GNA12: variants seen among roughly 807,000 people sequenced by gnomAD.
The protein encoded by GNA12 is guanine nucleotide-binding protein subunit alpha-12.
A neutral mutation model predicts 26.0 loss-of-function variants in GNA12; 9 were observed. That is an observed-to-expected ratio of 0.35 (90% CI 0.21 to 0.60). The LOEUF is 0.60. GNA12 is among the 20% of genes least tolerant of loss of function. GNA12 has a pLI of 0.78. For missense variants in GNA12, 405 were observed against 525.8 expected (o/e 0.77, Z 2.25); for synonymous variants, 264 against 219.6 (o/e 1.20, Z -1.79).
At position 2,761,353 on chromosome 7, in the gene GNA12, C is replaced by T. The variant is rs912908112; in HGVS notation, c.526-27852G>A. Among the ~76,000 whole-genome samples the T allele has an allele frequency of 2.0e-5, 3 of 152,336 alleles. No individual in the cohort carries two copies. The East Asian group carries it at 5.8e-4, about 29-fold the overall frequency. On this transcript the variant is annotated intron_variant, in intron 2 of 3. Transcript: ENST00000275364. ...TATGCCTAGAGGCACGGGGTGGGCA[C>T]GCAGATGGCAGCTGTGATTTCCCTG...
rs182008574 is a variant in GNA12, at chr7:2,750,175, G to A, written c.526-16674C>T. 2.4e-4 allele frequency among the ~76,000 whole-genome samples: 36 copies of A among 152,264 alleles called. No homozygotes were observed. In the East Asian group the frequency reaches 6.4e-3, roughly 27 times the overall value. ...CTGACATGTAAAGGGCCTGGAAGTC[G>A]TCACTCCCATCCTCACAGCAGCGAC... On this transcript the variant is annotated intron_variant, in intron 2 of 3. Transcript: ENST00000275364.
Position 2,844,057 on chromosome 7 carries a change from C to G in GNA12, c.105G>C (p.Glu35Asp). 8.3e-7 allele frequency: 1 copy of G among 1,204,230 alleles called. No homozygotes were observed. The highest frequency in any genetic ancestry group is 1.0e-6 in the Non-Finnish European group (1 of 968,514). 74.6% of individuals were successfully genotyped at this position (1,204,230 alleles called of 1,614,324 possible). A position where few individuals can be genotyped will look rare whatever the true frequency, so the allele number is the denominator to read the frequency against. ...AGSGARDAER[E>D]ARRRSRDIDA... is the part of the protein sequence containing the mutation. ...CGATGTCGCGGCTACGCCTCCGGGC[C>G]TCGCGCTCCGCGTCGCGCGCGCCGC... Residue 35 changes from glutamate (E) to aspartate (D), a missense_variant, in exon 1 of 4, where the codon GAG (glutamate) becomes GAC (aspartate). Coordinates refer to ENST00000275364, the MANE Select transcript of GNA12 (RefSeq NM_007353.3).
chr7:2,764,262 T>A (rs1163524560), intron 2 of GNA12, among the ~76,000 whole-genome samples: 22 of 146,748 alleles, frequency 1.5e-4, no homozygotes, highest in Admixed American at 1.1e-3. Context: ...TTTTTTTTTT[T>A]AATAAAGATG....
chr7:2,805,918 T>C (rs1414935631), intron 1 of GNA12, among the ~76,000 whole-genome samples: 1 of 152,164 alleles, frequency 6.6e-6, no homozygotes, highest in Non-Finnish European at 1.5e-5. Flanking sequence ...GCGGCCCAGC[T>C]GAACTGAGAG....
At chr7:2,815,318 C>T (rs542834959) in intron 1 of GNA12, 107 of 197,902 alleles carry the variant, frequency 5.4e-4, no homozygotes, top group African/African-American at 2.4e-3. Flanking sequence ...AAGGAGGGGC[C>T]GGCTGCGCAG....
rs17132651 is a variant in GNA12 at position 2,759,858 on chromosome 7, C to T, written c.526-26357G>A. On this transcript the variant is annotated intron_variant, in intron 2 of 3. Transcript: ENST00000275364. ...GCAGATGCCGTCCAATGCGATTGTC[C>T]GCCCCCGTCTCAGAGCCCCACGGCC... Among the ~76,000 whole-genome samples the T allele has an allele frequency of 9.0e-3, 1,371 of 151,904 alleles. 17 individuals carry two copies. Among genetic ancestry groups the T allele is most frequent in the African/African-American group, 0.031 (1,279 of 41,170 alleles).
At chr7:2,833,037 G>T (rs1000508302) in intron 1 of GNA12, among the ~76,000 whole-genome samples, 3 of 152,354 alleles carry the variant, frequency 2.0e-5, no homozygotes, top group Non-Finnish European at 2.9e-5. Flanking sequence ...CTCACAGAGA[G>T]AAAGACTAAC....
rs201757835 is a variant in GNA12, at chr7:2,802,039, TC to T, written c.310-6897del. Among the ~76,000 whole-genome samples, 1,327 of 152,200 alleles carry T rather than the reference TC, an allele frequency of 8.7e-3. 29 individuals carry two copies. Among genetic ancestry groups the T allele is most frequent in the African/African-American group, 0.031 (1,271 of 41,526 alleles). ...AATAAACCTCTTACTCCTGTCCTTT[TC>T]CAATGAAAGACCAATTTTCTAAAAC... On this transcript the variant is annotated intron_variant, in intron 1 of 3. Coordinates refer to ENST00000275364, the MANE Select transcript of GNA12 (RefSeq NM_007353.3).
intron 1 of GNA12, among the ~76,000 whole-genome samples, chr7:2,821,187 T>TA (rs1400415957): frequency 3.3e-5 from 5 of 152,222 alleles, no homozygotes; most frequent in Admixed American, 3.3e-4. Context: ...TGATGACGCT[T>TA]AGATTACAGA....
At chr7:2,795,569 G>C (rs951453214) in intron 1 of GNA12, among the ~76,000 whole-genome samples, 3 of 150,518 alleles carry the variant, frequency 2.0e-5, no homozygotes, top group African/African-American at 7.3e-5. Context: ...TCAAGGCTAC[G>C]GTTATCTATG....
At chr7:2,818,829 G>C (rs1236836260) in intron 1 of GNA12, among the ~76,000 whole-genome samples, 1 of 148,060 alleles carries the variant, frequency 6.8e-6, no homozygotes, top group African/African-American at 2.5e-5. Context: ...CTCTCCCACA[G>C]GTTTCGCTTG....
intron 1 of GNA12, among the ~76,000 whole-genome samples, chr7:2,831,169 C>T (rs1184275035): frequency 1.3e-5 from 2 of 151,748 alleles, no homozygotes; most frequent in African/African-American, 2.4e-5. Context: ...TGTTTAAAAA[C>T]AGTCTCATTG....
At chr7:2,837,541 A>G (rs1270439121) in intron 1 of GNA12, among the ~76,000 whole-genome samples, 2 of 152,254 alleles carry the variant, frequency 1.3e-5, no homozygotes, top group Admixed American at 1.3e-4. Context: ...AAGACAAATC[A>G]TAATGAAACT....
In GNA12 at chr7:2,801,870, G is replaced by A. The variant is rs531849674; in HGVS notation, c.310-6727C>T. The stretch of plus-strand genomic sequence containing the variant: ...CCCCTTTTCTTCCTTTTTAGAGAGA[G>A]ACGTAAGCTCTCTCTGGAGTTTAAA... On this transcript the variant is annotated intron_variant, in intron 1 of 3. Coordinates refer to ENST00000275364, the MANE Select transcript of GNA12 (RefSeq NM_007353.3). Among the ~76,000 whole-genome samples the A allele has an allele frequency of 3.3e-5, 5 of 152,256 alleles. No individual in the cohort carries two copies. The South Asian group carries it at 6.2e-4, about 19-fold the overall frequency.
chr7:2,834,954 T>C (rs1333834507), intron 1 of GNA12, among the ~76,000 whole-genome samples: 2 of 152,202 alleles, frequency 1.3e-5, no homozygotes, highest in Non-Finnish European at 2.9e-5. Flanking sequence ...TGCGTGACTA[T>C]GCATCGCGAT....
chr7:2,735,100 G>A (rs1173669741), intron 2 of GNA12, among the ~76,000 whole-genome samples: 3 of 122,886 alleles, frequency 2.4e-5, no homozygotes, highest in Non-Finnish European at 5.5e-5. Flanking sequence ...GGGAGAAGCC[G>A]TTGGGTGCAC....
chr7:2,761,837 T>A (rs866848185), intron 2 of GNA12, among the ~76,000 whole-genome samples: 8 of 152,352 alleles, frequency 5.3e-5, no homozygotes, highest in Admixed American at 3.3e-4. Context: ...TGGATAGTGC[T>A]GAGTACCTAA....
At chr7:2,833,765 T>G (rs767101741) in intron 1 of GNA12, among the ~76,000 whole-genome samples, 62 of 152,112 alleles carry the variant, frequency 4.1e-4, no homozygotes, top group Non-Finnish European at 7.9e-4. Flanking sequence ...CAGAAGCAGA[T>G]GTATGCTTCT....
At chr7:2,837,640 T>C (rs931618636) in intron 1 of GNA12, among the ~76,000 whole-genome samples, 11 of 152,078 alleles carry the variant, frequency 7.2e-5, no homozygotes, top group Non-Finnish European at 2.9e-5. Flanking sequence ...CGACAGTAGA[T>C]TTCTCTTCTG....
Sources: gnomAD v4.1 joint callset for allele counts (sites outside exome capture counted in the v4.1 genomes callset) on GRCh38, gnomAD v4.1.1 for gene constraint, MANE v1.5 for transcripts, NCBI Gene and HGNC (gene_info 2026-07-23, HGNC 2026-07-21) for gene names.